The following NAPG variants were observed in gnomAD, a reference collection of about 807,000 sequenced individuals.
NAPG encodes the protein NSF attachment protein gamma, also known as gamma-soluble NSF attachment protein.
NAPG carries 25 observed loss-of-function variants against 48.4 expected under a neutral mutation model. The ratio of observed to expected loss-of-function variants is 0.52; its 90% confidence interval spans 0.38 to 0.72. NAPG has a LOEUF of 0.72. Ranked by LOEUF, NAPG falls within the 30% of genes least tolerant of loss-of-function variation. The pLI is 0.00. For synonymous variants in NAPG, 139 were observed against 127.2 expected (o/e 1.09, Z -0.62); for missense variants, 359 against 372.5 (o/e 0.96, Z 0.30).
intron 4 of NAPG, among the ~76,000 whole-genome samples, 164 bp downstream of exon 4, chr18:10,533,717 TACTC>T (rs1334331091): frequency 5.9e-5 from 9 of 152,226 alleles, no homozygotes; most frequent in African/African-American, 2.2e-4. Context: ...AACCAAGACT[TACTC>T]CTAACTGTAA....
chr18:10,539,887 A>T lies in NAPG; in HGVS notation c.368+16A>T. On this transcript the variant is annotated intron_variant, in intron 6 of 11. Transcript: ENST00000322897. This position sits in a 1 kb window ranked among gnomAD's most constrained non-coding sequence, Gnocchi z 4.7. ...GAGCTGGAAAGTGAGTGTGAGATGG[A>T]CAAGTCTCTGCATAGAAGTCTTGTC... The T allele has an allele frequency of 6.2e-7, 1 of 1,613,068 alleles. No individual in the cohort carries two copies. Among genetic ancestry groups the T allele is most frequent in the African/African-American group, 1.3e-5 (1 of 75,006 alleles).
rs1055222323 is a variant in NAPG, at chr18:10,549,447, T to G, written c.795+351T>G. Among the ~76,000 whole-genome samples, 96 of 152,342 alleles carry G rather than the reference T, an allele frequency of 6.3e-4. 1 individual carries two copies. The highest frequency in any genetic ancestry group is 3.4e-3 in the Middle Eastern group (1 of 294). ...GACTCTCTGAAAGAGGTCCATTCTG[T>G]AGTGGCCTTTGTAATTCAGTAGACC... is the stretch of plus-strand genomic sequence containing the variant. On this transcript the variant is annotated intron_variant, in intron 11 of 11. Coordinates refer to ENST00000322897, the MANE Select transcript of NAPG (RefSeq NM_003826.3).
rs773080504 is a variant in NAPG, at chr18:10,548,415, C to T, written c.665+37C>T. 1.4e-5 allele frequency: 21 copies of T among 1,505,402 alleles called. No individual in the cohort carries two copies. Among genetic ancestry groups the T allele is most frequent in the East Asian group, 2.3e-5 (1 of 44,398 alleles). The allele number at this position is 1,505,402 out of a possible 1,614,324, so 93.3% of individuals were successfully genotyped here. On this transcript the variant is annotated intron_variant, in intron 10 of 11. Transcript: ENST00000322897. This position sits in a 1 kb window ranked among gnomAD's most constrained non-coding sequence, Gnocchi z 4.4. ...TCTGGGCCCTCTTGACTTGCAGTGG[C>T]GACACCTCTGTGTCTACAACTAAGA...
chr18:10,550,962 A>G lies in NAPG; in HGVS notation c.*742A>G, dbSNP rs1057154241. On this transcript the variant is annotated 3_prime_UTR_variant, in exon 12 of 12. Transcript: ENST00000322897. ...TTGACCAAATAGGAGCTAATGGGTA[A>G]TGAATACCTTTTTGTTTGTTTGTTT... The G allele has an allele frequency of 4.6e-5, 7 of 151,552 alleles. No individual in the cohort carries two copies. Among genetic ancestry groups the G allele is most frequent in the African/African-American group, 1.7e-4 (7 of 41,182 alleles). The allele number at this position is 151,552 out of a possible 1,614,324, so 9.4% of individuals were successfully genotyped here. A position where few individuals can be genotyped will look rare whatever the true frequency, so the allele number is the denominator to read the frequency against.
At chr18:10,540,481 C>T (rs1261553228) in intron 8 of NAPG, 82 bp downstream of exon 8, 3 of 1,217,098 alleles carry the variant, frequency 2.5e-6, no homozygotes, top group Non-Finnish European at 3.6e-6. Flanking sequence ...TGGGGGATAG[C>T]TTGTTAATTT....
chr18:10,541,751 G>C (rs1356130560), intron 8 of NAPG, among the ~76,000 whole-genome samples: 1 of 152,216 alleles, frequency 6.6e-6, no homozygotes, highest in Non-Finnish European at 1.5e-5. Flanking sequence ...GAAGGTGAAG[G>C]AAGTGAAGTT....
intron 1 of NAPG, among the ~76,000 whole-genome samples, chr18:10,527,157 C>T (rs2031833430): frequency 7.2e-6 from 1 of 139,004 alleles, no homozygotes; most frequent in Admixed American, 7.7e-5. Flanking sequence ...CACTGCACTC[C>T]AGCCTGGGCC....
intron 2 of NAPG, among the ~76,000 whole-genome samples, chr18:10,531,865 G>GT (rs1327284373): frequency 5.3e-5 from 8 of 152,050 alleles, no homozygotes; most frequent in African/African-American, 1.9e-4. Flanking sequence ...AGCATCCTTT[G>GT]TTTATTTTCT....
Position 10,539,651 on chromosome 18 carries a change from C to A in NAPG, c.259-111C>A. On this transcript the variant is annotated intron_variant, in intron 5 of 11. Coordinates refer to ENST00000322897, the MANE Select transcript of NAPG (RefSeq NM_003826.3). This position sits in a 1 kb window ranked among gnomAD's most constrained non-coding sequence, Gnocchi z 4.7. ...CTATGTAACAAACCTGCACATTCTG[C>A]ACATGTGTCCCAGAACTTAAAATAA... The A allele has an allele frequency of 1.2e-6, 1 of 855,632 alleles. No homozygotes were observed. Among genetic ancestry groups the A allele is most frequent in the Non-Finnish European group, 1.9e-6 (1 of 533,178 alleles). The allele number at this position is 855,632 out of a possible 1,614,324, so 53.0% of individuals were successfully genotyped here. A position where few individuals can be genotyped will look rare whatever the true frequency, so the allele number is the denominator to read the frequency against.
At chr18:10,533,972 C>T (rs965751393) in intron 4 of NAPG, among the ~76,000 whole-genome samples, 3 of 152,052 alleles carry the variant, frequency 2.0e-5, no homozygotes, top group African/African-American at 7.2e-5. Context: ...TGGTGAAAAA[C>T]CTCGTCTCTA....
chr18:10,550,508 A>G lies in NAPG; in HGVS notation c.*288A>G. ...GATTAAAAAATTTGCAAGCCAAATT[A>G]TACATAAATTATGTTCTAAACAAAA... On this transcript the variant is annotated 3_prime_UTR_variant, in exon 12 of 12. Transcript: ENST00000322897. The G allele has an allele frequency of 3.8e-6, 1 of 263,426 alleles. No individual in the cohort carries two copies. Among genetic ancestry groups the G allele is most frequent in the South Asian group, 5.3e-5 (1 of 18,930 alleles). The allele number at this position is 263,426 out of a possible 1,614,324, so 16.3% of individuals were successfully genotyped here.
At chr18:10,526,225 G>T in intron 1 of NAPG, 67 bp downstream of exon 1, 4 of 615,878 alleles carry the variant, frequency 6.5e-6, no homozygotes, top group East Asian at 3.5e-5. Flanking sequence ...CGCGGCCTTA[G>T]CACCCGGGGG....
At chr18:10,527,482 A>T (rs935538218) in intron 1 of NAPG, among the ~76,000 whole-genome samples, 1 of 152,188 alleles carries the variant, frequency 6.6e-6, no homozygotes, top group Non-Finnish European at 1.5e-5. Context: ...GGTTCCCACA[A>T]CATTCTGCTT....
chr18:10,550,029 T>G (rs1284814878), intron 11 of NAPG, 48 bp from the exon 12 acceptor site: 1 of 1,484,436 alleles, frequency 6.7e-7, no homozygotes, highest in Non-Finnish European at 8.9e-7. Context: ...TAAAACATGT[T>G]AGGATTCTAG....
In NAPG at chr18:10,546,765, T is replaced by A. The variant is rs1598412987; in HGVS notation, c.585+361T>A. On this transcript the variant is annotated intron_variant, in intron 9 of 11. Coordinates refer to ENST00000322897, the MANE Select transcript of NAPG (RefSeq NM_003826.3). This position sits in a 1 kb window ranked among gnomAD's most constrained non-coding sequence, Gnocchi z 4.0. ...GCCCTGCCCTGAGAGAAGCCCACAG[T>A]TGTGGAGCTGGGCAGCAAAGGCTGC... 6.6e-6 allele frequency among the ~76,000 whole-genome samples: 1 copy of A among 152,106 alleles called. No homozygotes were observed. The highest frequency in any genetic ancestry group is 2.4e-5 in the African/African-American group (1 of 41,398).
At position 10,550,043 on chromosome 18, in the gene NAPG, T is replaced by C. The variant is rs778111284; in HGVS notation, c.796-34T>C. The C allele has an allele frequency of 8.7e-6, 13 of 1,496,988 alleles. No homozygotes were observed. The Admixed American group carries it at 3.2e-4, about 37-fold the overall frequency. The allele number at this position is 1,496,988 out of a possible 1,614,324, so 92.7% of individuals were successfully genotyped here. On this transcript the variant is annotated intron_variant, in intron 11 of 11. Coordinates refer to ENST00000322897, the MANE Select transcript of NAPG (RefSeq NM_003826.3). ...GTAAAACATGTTAGGATTCTAGTTA[T>C]CCAGCTTTTAAGAACATGTTCTGTT...
chr18:10,549,292 G>T (rs1269969180), intron 11 of NAPG, among the ~76,000 whole-genome samples, 196 bp downstream of exon 11: 5 of 152,064 alleles, frequency 3.3e-5, no homozygotes, highest in Non-Finnish European at 7.3e-5. Flanking sequence ...TTAGTTGTGT[G>T]GTGTATAGCC....
At chr18:10,538,389 G>T (rs1845514088) in intron 5 of NAPG, among the ~76,000 whole-genome samples, 1 of 152,134 alleles carries the variant, frequency 6.6e-6, no homozygotes, top group Non-Finnish European at 1.5e-5. Flanking sequence ...CGTAGCTTTT[G>T]ATATTTTTTT....
chr18:10,538,883 A>G (rs185667420), intron 5 of NAPG, among the ~76,000 whole-genome samples: 11 of 152,252 alleles, frequency 7.2e-5, no homozygotes, highest in Admixed American at 7.2e-4. Context: ...AAGAAGACAT[A>G]CAGCCAAGAA....
Sources: gnomAD v4.1 joint callset for allele counts (sites outside exome capture counted in the v4.1 genomes callset) on GRCh38, gnomAD v4.1.1 for gene constraint, Gnocchi (gnomAD v3.1) non-coding constraint, MANE v1.5 for transcripts, NCBI Gene and HGNC (gene_info 2026-07-23, HGNC 2026-07-21) for gene names.